STAMBPL1: variants seen among roughly 807,000 people sequenced by gnomAD.
STAMBPL1 encodes the protein AMSH-like protease.
A neutral mutation model predicts 52.9 loss-of-function variants in STAMBPL1; 44 were observed. The ratio of observed to expected loss-of-function variants is 0.83; its 90% CI spans 0.65 to 1.07. The LOEUF (loss-of-function observed/expected upper bound fraction) is 1.07, where lower values mean the gene tolerates loss of function less well. Among genes scored for constraint, STAMBPL1 ranks in the 50% least tolerant of loss-of-function variants. The pLI is 0.00. For missense variants in STAMBPL1, 511 were observed against 520.8 expected (o/e 0.98, Z 0.18); for synonymous variants, 164 against 177.3 (o/e 0.92, Z 0.60).
At chr10:88,920,950 T>C (rs1261841013) in intron 8 of STAMBPL1, among the ~76,000 whole-genome samples, 1 of 152,148 alleles carries the variant, frequency 6.6e-6, no homozygotes, top group African/African-American at 2.4e-5. Flanking sequence ...GTATGTAAAA[T>C]TGAGATAATA....
intron 2 of STAMBPL1, among the ~76,000 whole-genome samples, 171 bp downstream of exon 2, chr10:88,901,909 G>T (rs748270223): frequency 6.6e-6 from 1 of 152,204 alleles, no homozygotes; most frequent in Non-Finnish European, 1.5e-5. Context: ...AGCTATCTTT[G>T]TAAGACTTAA....
intron 1 of STAMBPL1, among the ~76,000 whole-genome samples, chr10:88,883,880 G>C (rs1364711269): frequency 1.3e-5 from 2 of 152,078 alleles, no homozygotes; most frequent in Non-Finnish European, 2.9e-5. Context: ...TGAATATTAA[G>C]GATGTTATGA....
chr10:88,905,196 C>T (rs543500093), intron 2 of STAMBPL1, among the ~76,000 whole-genome samples: 38 of 152,196 alleles, frequency 2.5e-4, no homozygotes, highest in African/African-American at 8.7e-4. Context: ...AAAGTGAGAT[C>T]CCACTCCAAT....
intron 9 of STAMBPL1, 137 bp downstream of exon 9, chr10:88,921,532 C>T: frequency 3.1e-6 from 2 of 640,536 alleles, no homozygotes; most frequent in Non-Finnish European, 5.5e-6. Context: ...GGGTAGTAGT[C>T]AGCTGCCATA....
chr10:88,921,195 A>T, intron 8 of STAMBPL1, 88 bp from the exon 9 acceptor site: 1 of 985,034 alleles, frequency 1.0e-6, no homozygotes, highest in Non-Finnish European at 1.4e-6. Flanking sequence ...GGTAAAAACT[A>T]AAAAAAAACA....
At chr10:88,919,412 T>C (rs1845448691) in intron 8 of STAMBPL1, among the ~76,000 whole-genome samples, 1 of 152,206 alleles carries the variant, frequency 6.6e-6, no homozygotes, top group African/African-American at 2.4e-5. Context: ...CATTCTCCCA[T>C]GGGAAAACTG....
intron 1 of STAMBPL1, among the ~76,000 whole-genome samples, chr10:88,899,466 C>A (rs1392925462): frequency 6.6e-6 from 1 of 152,190 alleles, no homozygotes; most frequent in Non-Finnish European, 1.5e-5. Context: ...TCTATGCTCT[C>A]TCTTTATGGA....
chr10:88,916,576 C>T (rs908562282), intron 7 of STAMBPL1, 104 bp from the exon 8 acceptor site: 1 of 1,190,214 alleles, frequency 8.4e-7, no homozygotes, highest in Admixed American at 3.4e-5. Flanking sequence ...CTGGACACAC[C>T]CCCCTGCTGG....
chr10:88,897,482 G>C (rs1275448929), intron 1 of STAMBPL1, among the ~76,000 whole-genome samples: 2 of 152,232 alleles, frequency 1.3e-5, no homozygotes, highest in African/African-American at 4.8e-5. Context: ...TCTGAAGCAA[G>C]AACTCTGAAG....
intron 2 of STAMBPL1, among the ~76,000 whole-genome samples, chr10:88,903,990 G>T (rs1049576084): frequency 2.6e-5 from 4 of 152,184 alleles, no homozygotes; most frequent in African/African-American, 9.7e-5. Flanking sequence ...GGCATTGGAA[G>T]AACTCCAGAT....
chr10:88,917,541 TC>T (rs111530658), intron 8 of STAMBPL1, among the ~76,000 whole-genome samples: 6,332 of 152,244 alleles, frequency 0.042, 252 homozygotes, highest in African/African-American at 0.094. Flanking sequence ...AAAGTGGAGA[TC>T]ATAATAATTG....
intron 1 of STAMBPL1, among the ~76,000 whole-genome samples, chr10:88,899,933 T>C (rs1844903871): frequency 6.6e-6 from 1 of 152,258 alleles, no homozygotes; most frequent in Admixed American, 6.5e-5. Context: ...AACGTCTTTT[T>C]TTCCTGGTTT....
rs552681010 is a variant in STAMBPL1 at position 88,907,965 on chromosome 10, G to A, written c.249-737G>A. 3.9e-5 allele frequency among the ~76,000 whole-genome samples: 6 copies of A among 152,226 alleles called. No homozygotes were observed. In the South Asian group the frequency reaches 1.2e-3, roughly 32 times the overall value. ...AGCTCATTATGATTTATCAAGGAAG[G>A]GTTATTCATTCATTTTGCAAATATT... On this transcript the variant is annotated intron_variant, in intron 3 of 10. Transcript: ENST00000371926.
intron 3 of STAMBPL1, among the ~76,000 whole-genome samples, chr10:88,908,252 T>C (rs1422907099): frequency 6.6e-6 from 1 of 152,206 alleles, no homozygotes; most frequent in African/African-American, 2.4e-5. Context: ...GAGTTTTCGG[T>C]TAAGAGTTTT....
chr10:88,884,876 A>G (rs1844491951), intron 1 of STAMBPL1, among the ~76,000 whole-genome samples: 1 of 152,240 alleles, frequency 6.6e-6, no homozygotes, highest in Non-Finnish European at 1.5e-5. Flanking sequence ...ACAAGTTACT[A>G]ACTTCTGTGA....
chr10:88,913,013 T>A, intron 5 of STAMBPL1, 88 bp from the exon 6 acceptor site: 3 of 1,133,776 alleles, frequency 2.6e-6, no homozygotes. Flanking sequence ...GCATTTTCTC[T>A]GTCTGCTTGA....
intron 1 of STAMBPL1, among the ~76,000 whole-genome samples, chr10:88,899,217 A>G (rs1844884817): frequency 6.6e-6 from 1 of 152,178 alleles, no homozygotes; most frequent in Admixed American, 6.6e-5. Flanking sequence ...CCTGCAATTA[A>G]GAATCCTGCT....
intron 1 of STAMBPL1, among the ~76,000 whole-genome samples, chr10:88,893,399 C>A (rs1844734762): frequency 6.6e-6 from 1 of 152,148 alleles, no homozygotes; most frequent in Non-Finnish European, 1.5e-5. Context: ...TTCTTAACTA[C>A]ATATACCATG....
chr10:88,891,461 A>T (rs974626725), intron 1 of STAMBPL1, among the ~76,000 whole-genome samples: 1 of 152,212 alleles, frequency 6.6e-6, no homozygotes, highest in African/African-American at 2.4e-5. Context: ...AAATCTTCAA[A>T]TGCTAAAATT....
Sources: gnomAD v4.1 joint callset for allele counts (sites outside exome capture counted in the v4.1 genomes callset) on GRCh38, gnomAD v4.1.1 for gene constraint, MANE v1.5 for transcripts, NCBI Gene and HGNC (gene_info 2026-07-23, HGNC 2026-07-21) for gene names.